Variants in RUFY1 observed in about 807,000 individuals in gnomAD.
The protein encoded by RUFY1 is RUN and FYVE domain-containing protein 1.
A neutral mutation model predicts 94.6 loss-of-function variants in RUFY1; 54 were observed. That is an observed-to-expected ratio of 0.57 (90% CI 0.46 to 0.72). RUFY1 has a LOEUF of 0.72. Among genes scored for constraint, RUFY1 ranks in the 30% least tolerant of loss-of-function variants. RUFY1 has a pLI of 0.00. For missense variants in RUFY1, 883 were observed against 883.9 expected (o/e 1.00, Z 0.01); for synonymous variants, 396 against 347.3 (o/e 1.14, Z -1.56).
rs141477348 is a variant in RUFY1, at chr5:179,598,413, C to T, written c.1632-279C>T. On this transcript the variant is annotated intron_variant, in intron 13 of 17. Coordinates refer to ENST00000319449, the MANE Select transcript of RUFY1 (RefSeq NM_025158.5). ...GCTTCCTTTCCTCAGGTCTCCATGT[C>T]GGGAGGGTTCTGCTTATGTGGTCTA... 227 of 390,918 alleles carry T rather than the reference C, an allele frequency of 5.8e-4. 2 individuals are homozygous for T. The highest frequency in any genetic ancestry group is 3.9e-3 in the African/African-American group (188 of 48,394). 24.2% of individuals were successfully genotyped at this position (390,918 alleles called of 1,614,324 possible).
intron 3 of RUFY1, 67 bp downstream of exon 3, chr5:179,562,731 A>T: frequency 4.6e-6 from 4 of 868,300 alleles, no homozygotes; most frequent in Non-Finnish European, 7.8e-6. Context: ...TCATTTCTCA[A>T]TTCCTTGCTG....
rs1333479315 is a variant in RUFY1, at chr5:179,596,661, C to A, written c.1611C>A (p.Leu537=). 1 of 1,605,892 alleles carries A rather than the reference C, an allele frequency of 6.2e-7. No individual in the cohort carries two copies. The highest frequency in any genetic ancestry group is 1.7e-5 in the Admixed American group (1 of 58,536). ...GGATCGGCGCCCTGCAGCTGCAGCT[C>A]TCCCAGCTGCACGAGCAATGGTAGG... The part of the protein sequence containing the change: ...GGRIGALQLQ[L]SQLHEQCSSL... Residue 537 remains leucine (L), a synonymous_variant, in exon 13 of 18, where the codon CTC becomes CTA. Coordinates refer to ENST00000319449, the MANE Select transcript of RUFY1 (RefSeq NM_025158.5).
chr5:179,579,664 T>C lies in RUFY1; in HGVS notation c.891-1283T>C, dbSNP rs906987269. On this transcript the variant is annotated intron_variant, in intron 6 of 17. Transcript: ENST00000319449. ...ATATACCCTTTTCTTCTTCTTTTTT[T>C]TTTTTTTTTTTTTTTGAGATGGAAT... is the stretch of plus-strand genomic sequence containing the variant. Among the ~76,000 whole-genome samples, 5 of 90,378 alleles carry C rather than the reference T, an allele frequency of 5.5e-5. 1 individual carries two copies. Among genetic ancestry groups the C allele is most frequent in the Admixed American group, 2.3e-4 (2 of 8,730 alleles). 59.3% of individuals were successfully genotyped at this position (90,378 alleles called of 152,430 possible). A position where few individuals can be genotyped will look rare whatever the true frequency, so the allele number is the denominator to read the frequency against.
intron 9 of RUFY1, 101 bp downstream of exon 9, chr5:179,589,748 CA>C (rs1581511350): frequency 1.1e-6 from 1 of 909,058 alleles, no homozygotes; most frequent in Non-Finnish European, 1.8e-6. Flanking sequence ...CTTCAGAATG[CA>C]AAGGTGCCTT....
At chr5:179,602,316 A>AGAC (rs2127571868) in intron 15 of RUFY1, 1 of 264,832 alleles carries the variant, frequency 3.8e-6, no homozygotes, top group East Asian at 7.5e-5. Flanking sequence ...GCCTACAGTC[A>AGAC]GGCCAGAGGG....
At chr5:179,568,470 A>G (rs1398040385) in intron 4 of RUFY1, among the ~76,000 whole-genome samples, 3 of 152,216 alleles carry the variant, frequency 2.0e-5, no homozygotes, top group Admixed American at 6.5e-5. Flanking sequence ...TTTTCAAGTC[A>G]TGGCTCATTG....
At chr5:179,574,310 G>A (rs759678215) in intron 5 of RUFY1, among the ~76,000 whole-genome samples, 3 of 152,126 alleles carry the variant, frequency 2.0e-5, no homozygotes, top group South Asian at 2.1e-4. Flanking sequence ...CAGGAGAATC[G>A]CTGGAACCTG....
chr5:179,578,387 T>A (rs985146233), intron 6 of RUFY1, among the ~76,000 whole-genome samples: 4 of 151,248 alleles, frequency 2.6e-5, no homozygotes, highest in African/African-American at 9.7e-5. Flanking sequence ...CTAATTTTTT[T>A]TTTTTATTTT....
At chr5:179,605,833 ACT>A (rs765166105) in intron 15 of RUFY1, 41 bp from the exon 16 acceptor site, 13 of 1,159,680 alleles carry the variant, frequency 1.1e-5, no homozygotes, top group East Asian at 4.7e-5. Context: ...TCAGAGCCTC[ACT>A]CTCTCTCACT....
rs558019019 is a variant in RUFY1 at position 179,591,940 on chromosome 5, TTTTG to T, written c.1245+208_1245+211del. ...TATTTTTTCCCATTTTATAAATATT[TTTTG>T]TTTGTTTGGGTTTTTTTTCAAGACG... is the stretch of plus-strand genomic sequence containing the variant. On this transcript the variant is annotated intron_variant, in intron 10 of 17. Transcript: ENST00000319449. Among the ~76,000 whole-genome samples, 195 of 152,312 alleles carry T rather than the reference TTTTG, an allele frequency of 1.3e-3. 2 individuals are homozygous for T. The South Asian group carries it at 0.024, about 18-fold the overall frequency.
chr5:179,598,927 C>A, intron 14 of RUFY1, 106 bp downstream of exon 14: 3 of 1,329,506 alleles, frequency 2.3e-6, no homozygotes, highest in Non-Finnish European at 2.1e-6. Flanking sequence ...GGGGGCCAGG[C>A]GGCTCCAGGG....
At chr5:179,559,514 G>C (rs1162445203) in intron 1 of RUFY1, among the ~76,000 whole-genome samples, 1 of 152,190 alleles carries the variant, frequency 6.6e-6, no homozygotes, top group Non-Finnish European at 1.5e-5. Flanking sequence ...CCTTCTGGGC[G>C]GGGTGCGCAT....
intron 14 of RUFY1, among the ~76,000 whole-genome samples, chr5:179,599,023 T>C (rs1245809119): frequency 2.0e-5 from 3 of 152,194 alleles, no homozygotes; most frequent in African/African-American, 7.2e-5. Flanking sequence ...GCAGCTCAGA[T>C]AGAGGCAAGT....
intron 17 of RUFY1, chr5:179,608,240 C>G (rs943327741): frequency 2.7e-5 from 26 of 971,296 alleles, no homozygotes; most frequent in Non-Finnish European, 7.4e-6. Context: ...GCCAGCGCCA[C>G]CCACCTTTCT....
intron 13 of RUFY1, 88 bp downstream of exon 13, chr5:179,596,769 G>C (rs1004862857): frequency 3.2e-6 from 2 of 628,612 alleles, no homozygotes; most frequent in Non-Finnish European, 4.2e-6. Flanking sequence ...GCTTCAGCAC[G>C]AACGGGAGGA....
At position 179,609,400 on chromosome 5, in the gene RUFY1, ATCT is replaced by A; in HGVS notation, c.2012_2014del (p.Phe671del). 3.7e-6 allele frequency: 6 copies of A among 1,613,502 alleles called. No homozygotes were observed. The highest frequency in any genetic ancestry group is 1.3e-5 in the African/African-American group (1 of 74,954). The stretch of plus-strand genomic sequence containing the variant: ...GCACCACTGCCGGAACTGTGGCCAC[ATCT>A]TCTGCAACACCTGCTCCAGCAACGA... On this transcript the variant is annotated inframe_deletion, in exon 18 of 18. Coordinates refer to ENST00000319449, the MANE Select transcript of RUFY1 (RefSeq NM_025158.5).
At chr5:179,554,036 ACAC>A (rs1319671103) in intron 1 of RUFY1, among the ~76,000 whole-genome samples, 2 of 152,102 alleles carry the variant, frequency 1.3e-5, no homozygotes, top group Middle Eastern at 3.2e-3. Context: ...AAAGACAGTG[ACAC>A]CACTTCAGCC....
In RUFY1 at chr5:179,554,828, C is replaced by T. The variant is rs1380417519; in HGVS notation, c.310+3949C>T. On this transcript the variant is annotated intron_variant, in intron 1 of 17. Coordinates refer to ENST00000319449, the MANE Select transcript of RUFY1 (RefSeq NM_025158.5). ...ACTAAAAGTACAAAAATTAGATGGGCGTGGTGGCGCACGCCTGTAATCCCA... is the reference window on the plus strand; with the variant it reads ...ACTAAAAGTACAAAAATTAGATGGGTGTGGTGGCGCACGCCTGTAATCCCA... Among the ~76,000 whole-genome samples, 15 of 151,986 alleles carry T rather than the reference C, an allele frequency of 9.9e-5. 1 individual carries two copies. Among genetic ancestry groups the T allele is most frequent in the Admixed American group, 2.6e-4 (4 of 15,262 alleles).
At chr5:179,602,060 C>A in intron 15 of RUFY1, 74 bp downstream of exon 15, 4 of 1,259,768 alleles carry the variant, frequency 3.2e-6, no homozygotes, top group Admixed American at 1.8e-5. Context: ...GGCCCCAAAC[C>A]TACCTCCTTT....
Sources: allele counts gnomAD v4.1 joint callset (sites outside exome capture counted in the v4.1 genomes callset), GRCh38; gene constraint gnomAD v4.1.1; transcripts MANE v1.5; gene names NCBI Gene and HGNC (gene_info 2026-07-23, HGNC 2026-07-21).